The following METTL15 variants were observed in gnomAD, a reference collection of about 807,000 sequenced individuals.
The protein encoded by METTL15 is 12S rRNA N(4)-cytidine methyltransferase METTL15.
In METTL15, 34 loss-of-function variants were observed where a neutral mutation model predicts 38.3. That is an observed-to-expected ratio of 0.89 (90% CI 0.68 to 1.18). The LOEUF is 1.18. Ranked by LOEUF, METTL15 falls within the 50% of genes most tolerant of loss-of-function variation. The pLI is 0.00. For missense variants in METTL15, 438 were observed against 498.4 expected, an observed-to-expected ratio of 0.88 and a Z score of 1.15; for synonymous variants, 162 against 170.9, an observed-to-expected ratio of 0.95 and a Z score of 0.41.
At chr11:28,228,871 C>T (rs1209490945) in intron 4 of METTL15, among the ~76,000 whole-genome samples, 3 of 151,844 alleles carry the variant, frequency 2.0e-5, no homozygotes, top group African/African-American at 4.8e-5. Context: ...TTATTTCTAG[C>T]TGGTTCCTCC....
chr11:28,199,460 G>A (rs1369439193), intron 3 of METTL15, among the ~76,000 whole-genome samples: 3 of 152,014 alleles, frequency 2.0e-5, no homozygotes, highest in Admixed American at 2.0e-4. Context: ...TCTTCAAGAA[G>A]TTTCTCTTAA....
At chr11:28,325,926 CCTCTT>C (rs1242325018) in intron 6 of METTL15, among the ~76,000 whole-genome samples, 1 of 152,170 alleles carries the variant, frequency 6.6e-6, no homozygotes, top group Non-Finnish European at 1.5e-5. Context: ...GGTAAGCACA[CCTCTT>C]CTCATGTATA....
chr11:28,247,321 A>G (rs1854553417), intron 4 of METTL15, among the ~76,000 whole-genome samples: 1 of 152,144 alleles, frequency 6.6e-6, no homozygotes. Context: ...AAATTATTGA[A>G]AATTGAATAA....
chr11:28,402,070 G>A (rs1346464431), intron 5 of METTL15, among the ~76,000 whole-genome samples: 3 of 151,870 alleles, frequency 2.0e-5, no homozygotes, highest in African/African-American at 7.3e-5. Flanking sequence ...GAACCTTTAT[G>A]AAATATTCTA....
intron 3 of METTL15, among the ~76,000 whole-genome samples, chr11:28,208,906 A>G (rs1006583693): frequency 6.6e-6 from 1 of 152,008 alleles, no homozygotes. Flanking sequence ...AATTGTAAAA[A>G]TGAGAGTTGA....
chr11:28,521,463 GAGAAGAC>G (rs1298972572), intron 6 of METTL15, among the ~76,000 whole-genome samples: 2 of 152,212 alleles, frequency 1.3e-5, no homozygotes, highest in African/African-American at 4.8e-5. Flanking sequence ...GAGGCTATTA[GAGAAGAC>G]AGACTGTTGG....
chr11:28,296,015 T>G (rs1159716367), intron 5 of METTL15, among the ~76,000 whole-genome samples: 2 of 152,094 alleles, frequency 1.3e-5, no homozygotes, highest in Non-Finnish European at 2.9e-5. Flanking sequence ...TCTGACAGAG[T>G]AAATGCTGTT....
intron 6 of METTL15, among the ~76,000 whole-genome samples, chr11:28,438,389 A>G (rs1458368159): frequency 6.6e-6 from 1 of 152,214 alleles, no homozygotes; most frequent in East Asian, 1.9e-4. Context: ...TGTGTCCTAC[A>G]TCGGGTTGTC....
intron 4 of METTL15, among the ~76,000 whole-genome samples, chr11:28,255,967 T>C (rs1457199483): frequency 1.3e-5 from 2 of 152,182 alleles, no homozygotes; most frequent in Non-Finnish European, 2.9e-5. Context: ...ACTCCCAAAG[T>C]GCTGGGATTA....
intron 4 of METTL15, among the ~76,000 whole-genome samples, chr11:28,222,853 T>C (rs1335127249): frequency 6.6e-6 from 1 of 152,204 alleles, no homozygotes; most frequent in Non-Finnish European, 1.5e-5. Flanking sequence ...AAAAGATTGA[T>C]ATCTACTATA....
chr11:28,387,451 G>A (rs1850452322), intron 5 of METTL15, among the ~76,000 whole-genome samples: 1 of 151,710 alleles, frequency 6.6e-6, no homozygotes, highest in Non-Finnish European at 1.5e-5. Context: ...TAGAAGAAAT[G>A]GATATATTTA....
intron 6 of METTL15, among the ~76,000 whole-genome samples, chr11:28,475,539 C>T (rs1397391086): frequency 2.6e-5 from 4 of 152,256 alleles, no homozygotes; most frequent in Middle Eastern, 6.8e-3. Flanking sequence ...TTGACACATC[C>T]TGGTACCCTA....
chr11:28,497,487 A>G (rs1400518477), intron 6 of METTL15, among the ~76,000 whole-genome samples: 2 of 152,178 alleles, frequency 1.3e-5, no homozygotes, highest in Non-Finnish European at 2.9e-5. Context: ...CTGTGGTTAT[A>G]TGTGTCTCCT....
chr11:28,295,078 T>C (rs974741287), intron 5 of METTL15, among the ~76,000 whole-genome samples: 5 of 152,118 alleles, frequency 3.3e-5, no homozygotes, highest in African/African-American at 1.2e-4. Context: ...AGGTCAGTTT[T>C]AGCAGGGATT....
At chr11:28,169,054 A>T (rs1277033816) in intron 3 of METTL15, among the ~76,000 whole-genome samples, 2 of 152,190 alleles carry the variant, frequency 1.3e-5, no homozygotes, top group Non-Finnish European at 2.9e-5. Flanking sequence ...TGCTAAGATG[A>T]AGTTTCACAA....
chr11:28,373,561 G>C (rs1018426999), intron 5 of METTL15, among the ~76,000 whole-genome samples: 1 of 152,108 alleles, frequency 6.6e-6, no homozygotes, highest in Admixed American at 6.5e-5. Context: ...CTCCCATTTT[G>C]TAGGTTGCCT....
At chr11:28,134,076 T>C (rs936261262) in intron 3 of METTL15, among the ~76,000 whole-genome samples, 1 of 152,166 alleles carries the variant, frequency 6.6e-6, no homozygotes, top group Non-Finnish European at 1.5e-5. Flanking sequence ...AGGAAAGATA[T>C]TCCTAACGGA....
rs1187993864 is a variant in METTL15, at chr11:28,168,838, C to T, written c.271-42224C>T. ...GGAGAAGACATTGCAACAGATGAAACAGCCGGTGGGAAAATGCTGACACTG... is the reference window on the plus strand; with the variant it reads ...GGAGAAGACATTGCAACAGATGAAATAGCCGGTGGGAAAATGCTGACACTG... On this transcript the variant is annotated intron_variant, in intron 3 of 6. Transcript: ENST00000407364. Among the ~76,000 whole-genome samples, 3 of 151,988 alleles carry T rather than the reference C, an allele frequency of 2.0e-5. 1 individual carries two copies. The highest frequency in any genetic ancestry group is 4.4e-5 in the Non-Finnish European group (3 of 68,036).
At chr11:28,421,703 C>A (rs1230362661) in intron 5 of METTL15, among the ~76,000 whole-genome samples, 1 of 151,748 alleles carries the variant, frequency 6.6e-6, no homozygotes, top group Non-Finnish European at 1.5e-5. Context: ...GTAATAAAAA[C>A]CGTATATGAC....
Sources: allele counts gnomAD v4.1 joint callset (sites outside exome capture counted in the v4.1 genomes callset), GRCh38; gene constraint gnomAD v4.1.1; transcripts MANE v1.5; gene names NCBI Gene and HGNC (gene_info 2026-07-23, HGNC 2026-07-21).